The following CACNA2D3 variants were observed in gnomAD, a reference collection of about 807,000 sequenced individuals.
CACNA2D3 encodes calcium voltage-gated channel auxiliary subunit alpha2delta 3, also known as voltage-dependent calcium channel subunit alpha-2/delta-3.
Under a neutral mutation model 160.6 loss-of-function variants are expected in CACNA2D3, and 60 were observed. That is an observed-to-expected ratio of 0.37 (90% CI 0.30 to 0.46). The LOEUF (loss-of-function observed/expected upper bound fraction) is 0.46, where lower values mean the gene tolerates loss of function less well. CACNA2D3 is among the 20% of genes least tolerant of loss of function. CACNA2D3 has a pLI of 1.00. For synonymous variants in CACNA2D3, 558 were observed against 492.9 expected, an observed-to-expected ratio of 1.13 and a Z score of -1.75; for missense variants, 1,205 against 1,365.0, an observed-to-expected ratio of 0.88 and a Z score of 1.85.
chr3:54,682,385 G>A (rs1437364486), intron 11 of CACNA2D3, among the ~76,000 whole-genome samples: 1 of 152,162 alleles, frequency 6.6e-6, no homozygotes, highest in African/African-American at 2.4e-5. Flanking sequence ...CCAGCACTTT[G>A]GGAGGTCAAG....
At chr3:54,481,068 T>C (rs918054242) in intron 4 of CACNA2D3, among the ~76,000 whole-genome samples, 3 of 152,140 alleles carry the variant, frequency 2.0e-5, no homozygotes, top group Non-Finnish European at 2.9e-5. Context: ...GATGCCTGCT[T>C]CCTGAGGGCC....
At chr3:54,887,811 A>G (rs1336612022) in intron 23 of CACNA2D3, 148 bp from the exon 24 acceptor site, 5 of 636,310 alleles carry the variant, frequency 7.9e-6, no homozygotes, top group African/African-American at 5.5e-5. Context: ...GAACTGTTTC[A>G]TATTTTCAAC....
At chr3:54,761,203 G>T (rs1280095145) in intron 12 of CACNA2D3, among the ~76,000 whole-genome samples, 2 of 152,110 alleles carry the variant, frequency 1.3e-5, no homozygotes, top group Non-Finnish European at 2.9e-5. Context: ...GTGAATACAG[G>T]CAACCAAGAA....
At chr3:54,343,687 G>T (rs1363805652) in intron 3 of CACNA2D3, among the ~76,000 whole-genome samples, 3 of 152,134 alleles carry the variant, frequency 2.0e-5, no homozygotes, top group Admixed American at 2.0e-4. Context: ...AGGATTACAG[G>T]TATGAGCCAC....
At chr3:55,028,127 T>G (rs1384758585) in intron 35 of CACNA2D3, among the ~76,000 whole-genome samples, 1 of 152,220 alleles carries the variant, frequency 6.6e-6, no homozygotes, top group Non-Finnish European at 1.5e-5. Context: ...GTTTCCAGAA[T>G]CATTAGATGG....
chr3:54,122,663 C>A lies in CACNA2D3; in HGVS notation c.-51C>A. ...CCCACCGCCCGCTCCGCGCAGCTCC[C>A]CGCGGCCGCTCTCGTCGCCGCCGCA... On this transcript the variant is annotated 5_prime_UTR_variant, in exon 1 of 38. Coordinates refer to ENST00000474759, the MANE Select transcript of CACNA2D3 (RefSeq NM_018398.3). 9.8e-7 allele frequency: 1 copy of A among 1,016,010 alleles called. No homozygotes were observed. Among genetic ancestry groups the A allele is most frequent in the South Asian group, 4.5e-5 (1 of 22,208 alleles). 62.9% of individuals were successfully genotyped at this position (1,016,010 alleles called of 1,614,324 possible). A position where few individuals can be genotyped will look rare whatever the true frequency, so the allele number is the denominator to read the frequency against.
chr3:54,881,528 A>G (rs1420757415), intron 21 of CACNA2D3, among the ~76,000 whole-genome samples: 3 of 152,164 alleles, frequency 2.0e-5, no homozygotes, highest in African/African-American at 4.8e-5. Context: ...CACATGTGCT[A>G]TCCTTTTCAT....
intron 22 of CACNA2D3, 53 bp downstream of exon 22, chr3:54,885,379 G>C: frequency 6.2e-7 from 1 of 1,608,362 alleles, no homozygotes; most frequent in Non-Finnish European, 8.5e-7. Context: ...TGCCCTCTTT[G>C]ATTCCACATG....
At position 54,732,189 on chromosome 3, in the gene CACNA2D3, C is replaced by G. The variant is rs144322679; in HGVS notation, c.1168-20410C>G. ...GAGCCTGATATATTTGATGACATCA[C>G]TCTGTAATTTTACATGATTTGGACA... On this transcript the variant is annotated intron_variant, in intron 11 of 37. Transcript: ENST00000474759. 3.1e-3 allele frequency among the ~76,000 whole-genome samples: 476 copies of G among 152,334 alleles called. 2 individuals are homozygous for G. Among genetic ancestry groups the G allele is most frequent in the African/African-American group, 0.01 (436 of 41,568 alleles).
intron 13 of CACNA2D3, among the ~76,000 whole-genome samples, chr3:54,809,742 TCTCC>T (rs1442649680): frequency 2.0e-5 from 3 of 151,450 alleles, no homozygotes; most frequent in Non-Finnish European, 1.5e-5. Context: ...TTTCTTTTTC[TCTCC>T]CTCCCTCCCT....
chr3:54,333,470 C>T (rs560409641), intron 3 of CACNA2D3, among the ~76,000 whole-genome samples: 2 of 152,054 alleles, frequency 1.3e-5, no homozygotes, highest in South Asian at 4.2e-4. Context: ...TGCACCTGCC[C>T]ACCCTTAGAA....
intron 2 of CACNA2D3, among the ~76,000 whole-genome samples, chr3:54,274,733 G>T (rs1023111514): frequency 6.6e-6 from 1 of 152,166 alleles, no homozygotes; most frequent in Non-Finnish European, 1.5e-5. Context: ...CTGAAGGCTC[G>T]GCTAGGGGGG....
At chr3:54,241,379 A>G (rs1044532196) in intron 2 of CACNA2D3, among the ~76,000 whole-genome samples, 5 of 152,148 alleles carry the variant, frequency 3.3e-5, no homozygotes, top group South Asian at 2.1e-4. Flanking sequence ...GAGTACCTCT[A>G]TTATAGAAGA....
At chr3:54,727,965 A>G (rs184533277) in intron 11 of CACNA2D3, among the ~76,000 whole-genome samples, 69 of 152,176 alleles carry the variant, frequency 4.5e-4, no homozygotes, top group Admixed American at 1.4e-3. Context: ...GAGAAGTTCA[A>G]TTGTTAGTCT....
chr3:54,608,989 C>T (rs2106785803), intron 9 of CACNA2D3, among the ~76,000 whole-genome samples: 1 of 152,286 alleles, frequency 6.6e-6, no homozygotes, highest in East Asian at 1.9e-4. Context: ...GAACCTATGC[C>T]TCCTGACTGA....
At chr3:54,619,710 C>T (rs74574571) in intron 9 of CACNA2D3, among the ~76,000 whole-genome samples, 109 of 152,316 alleles carry the variant, frequency 7.2e-4, no homozygotes, top group African/African-American at 2.3e-3. Context: ...CATGTCACTG[C>T]TTCCCACGGG....
At chr3:54,553,778 G>A (rs927948276) in intron 5 of CACNA2D3, among the ~76,000 whole-genome samples, 3 of 152,202 alleles carry the variant, frequency 2.0e-5, no homozygotes, top group Non-Finnish European at 4.4e-5. Context: ...GATGACTGAG[G>A]TCTGGAGTGG....
chr3:54,659,473 C>A (rs1699930598), intron 11 of CACNA2D3, among the ~76,000 whole-genome samples: 1 of 152,310 alleles, frequency 6.6e-6, no homozygotes, highest in African/African-American at 2.4e-5. Context: ...AAGCCCATAC[C>A]TTTCACCTGA....
Position 54,336,760 on chromosome 3 carries a change from G to A in CACNA2D3, c.321+16202G>A, listed in dbSNP as rs377202587. On this transcript the variant is annotated intron_variant, in intron 3 of 37. Coordinates refer to ENST00000474759, the MANE Select transcript of CACNA2D3 (RefSeq NM_018398.3). ...AAATGTGCTGGATGTGGTTGCAAAA[G>A]CAGTGATCACATAGCAACCCACACT... 4.6e-5 allele frequency among the ~76,000 whole-genome samples: 7 copies of A among 152,304 alleles called. No individual in the cohort carries two copies. In the East Asian group the frequency reaches 9.7e-4, roughly 21 times the overall value.
Sources: allele counts gnomAD v4.1 joint callset (sites outside exome capture counted in the v4.1 genomes callset), GRCh38; gene constraint gnomAD v4.1.1; transcripts MANE v1.5; gene names NCBI Gene and HGNC (gene_info 2026-07-23, HGNC 2026-07-21).